The following SLC2A1 variants were observed in gnomAD, a reference collection of about 807,000 sequenced individuals.
The protein encoded by SLC2A1 is solute carrier family 2 member 1.
SLC2A1 carries 4 observed loss-of-function variants against 46.6 expected under a neutral mutation model. The ratio of observed to expected loss-of-function variants is 0.09; its 90% CI spans 0.04 to 0.20. SLC2A1 has a LOEUF of 0.20. Ranked by LOEUF, SLC2A1 falls within the 10% of genes least tolerant of loss-of-function variation. The pLI, the probability that SLC2A1 is intolerant of heterozygous loss-of-function variation, is 1.00. For synonymous variants in SLC2A1, 253 were observed against 270.0 expected, an observed-to-expected ratio of 0.94 and a Z score of 0.62; for missense variants, 352 against 667.0, an observed-to-expected ratio of 0.53 and a Z score of 5.20.
intron 1 of SLC2A1, among the ~76,000 whole-genome samples, chr1:42,956,407 CAAAAAAAAAAAAA>C (rs71577684): frequency 0.067 from 2,971 of 44,590 alleles, 59 homozygotes; most frequent in Non-Finnish European, 0.089. Flanking sequence ...ACTAAAACTA[CAAAAAAAAAAAAA>C]AAAAAAAAAA....
chr1:42,949,845 A>AC (rs1643701979), intron 1 of SLC2A1, among the ~76,000 whole-genome samples: 2 of 150,074 alleles, frequency 1.3e-5, no homozygotes, highest in Non-Finnish European at 3.0e-5. Context: ...GAAGTTTCCA[A>AC]TTGGGGGTCT....
At chr1:42,936,732 T>G (rs1643545953) in intron 2 of SLC2A1, among the ~76,000 whole-genome samples, 1 of 152,110 alleles carries the variant, frequency 6.6e-6, no homozygotes, top group Non-Finnish European at 1.5e-5. Flanking sequence ...GCTCTTGCAA[T>G]AAAGTGTCTC....
At chr1:42,947,789 T>C (rs1168569242) in intron 1 of SLC2A1, among the ~76,000 whole-genome samples, 1 of 152,144 alleles carries the variant, frequency 6.6e-6, no homozygotes, top group East Asian at 1.9e-4. Flanking sequence ...CACATGCTAA[T>C]TGCCAAACAA....
intron 2 of SLC2A1, among the ~76,000 whole-genome samples, chr1:42,934,120 T>C (rs1643519147): frequency 6.6e-6 from 1 of 152,206 alleles, no homozygotes. Context: ...CTTGAAGATC[T>C]CTTGAGATGT....
Position 42,929,964 on chromosome 1 carries a change from C to G in SLC2A1, c.588G>C (p.Pro196=), listed in dbSNP as rs2229682. ...WPLLLSIIFI[P]ALLQCIVLPF... The stretch of plus-strand genomic sequence containing the variant: ...GCAGCACGATGCACTGCAGCAGGGC[C>G]GGGATGAAGATGATGCTCAGCAGCA... The change falls in exon 5 of 10, where the codon CCG becomes CCC. Residue 196 remains proline (P), a synonymous_variant. Coordinates refer to ENST00000426263, the MANE Select transcript of SLC2A1 (RefSeq NM_006516.4). This position sits in a 1 kb window ranked among gnomAD's most constrained non-coding sequence, Gnocchi z 6.0. 5 of 1,613,878 alleles carry G rather than the reference C, an allele frequency of 3.1e-6. 1 individual carries two copies. The highest frequency in any genetic ancestry group is 4.2e-6 in the Non-Finnish European group (5 of 1,179,990).
chr1:42,955,435 C>G (rs1022536507), intron 1 of SLC2A1, among the ~76,000 whole-genome samples: 1 of 152,142 alleles, frequency 6.6e-6, no homozygotes, highest in Non-Finnish European at 1.5e-5. Context: ...ATGGCGAAAC[C>G]CTGTCTCTAC....
At chr1:42,953,453 A>C (rs1570607706) in intron 1 of SLC2A1, among the ~76,000 whole-genome samples, 1 of 152,250 alleles carries the variant, frequency 6.6e-6, no homozygotes, top group Non-Finnish European at 1.5e-5. Context: ...AGGCCTGGAC[A>C]CAGCCTCTCT....
Position 42,929,928 on chromosome 1 carries a change from G to C in SLC2A1, c.624C>G (p.Pro208=), listed in dbSNP as rs778522408. Reference sequence around the variant, plus strand: ...TGATGAGCAGGAAGCGGGGACTCTCGGGGCAGAAGGGCAGCACGATGCACT... The same window carrying C: ...TGATGAGCAGGAAGCGGGGACTCTCCGGGCAGAAGGGCAGCACGATGCACT... ...LLQCIVLPFC[P]ESPRFLLINR... The change falls in exon 5 of 10, where the codon CCC becomes CCG. Residue 208 remains proline (P), a synonymous_variant. Coordinates refer to ENST00000426263, the MANE Select transcript of SLC2A1 (RefSeq NM_006516.4). This position sits in a 1 kb window ranked among gnomAD's most constrained non-coding sequence, Gnocchi z 6.0. The C allele has an allele frequency of 1.1e-5, 17 of 1,614,014 alleles. No homozygotes were observed. In the Admixed American group the frequency reaches 2.2e-4, roughly 21 times the overall value.
At chr1:42,945,279 A>G (rs1269948866) in intron 1 of SLC2A1, among the ~76,000 whole-genome samples, 1 of 152,086 alleles carries the variant, frequency 6.6e-6, no homozygotes, top group Non-Finnish European at 1.5e-5. Context: ...TAGTGATATA[A>G]TGGAATACAT....
chr1:42,927,844 T>A lies in SLC2A1; in HGVS notation c.1075-36A>T. 1.4e-6 allele frequency: 2 copies of A among 1,478,334 alleles called. No homozygotes were observed. The highest frequency in any genetic ancestry group is 1.9e-6 in the Non-Finnish European group (2 of 1,069,892). The allele number at this position is 1,478,334 out of a possible 1,614,324, so 91.6% of individuals were successfully genotyped here. A position where few individuals can be genotyped will look rare whatever the true frequency, so the allele number is the denominator to read the frequency against. On this transcript the variant is annotated intron_variant, in intron 8 of 9. Coordinates refer to ENST00000426263, the MANE Select transcript of SLC2A1 (RefSeq NM_006516.4). The surrounding 1 kb of genome is among the most constrained non-coding windows in gnomAD (Gnocchi z 5.3). ...TGACGGAGAGGGGGAAAAGTTAGAC[T>A]GGGTTGTGATGGATCCTCAGGGGAA...
At position 42,954,314 on chromosome 1, in the gene SLC2A1, T is replaced by A. The variant is rs1345395082; in HGVS notation, c.18+4320A>T. Among the ~76,000 whole-genome samples, 1 of 151,548 alleles carries A rather than the reference T, an allele frequency of 6.6e-6. No homozygotes were observed. Among genetic ancestry groups the A allele is most frequent in the Non-Finnish European group, 1.5e-5 (1 of 67,886 alleles). Reference sequence around the variant, plus strand: ...TGGGCGGATCACCTGAGGTCTGGAGTTCGAGACCAGCTTGACCAACATGAA... The same window carrying A: ...TGGGCGGATCACCTGAGGTCTGGAGATCGAGACCAGCTTGACCAACATGAA... On this transcript the variant is annotated intron_variant, in intron 1 of 9. Transcript: ENST00000426263. This position sits in a 1 kb window ranked among gnomAD's most constrained non-coding sequence, Gnocchi z 4.2.
intron 2 of SLC2A1, among the ~76,000 whole-genome samples, chr1:42,932,869 A>G (rs990110830): frequency 1.3e-5 from 2 of 152,134 alleles, no homozygotes; most frequent in Non-Finnish European, 2.9e-5. Flanking sequence ...CAGGCATCTG[A>G]TGGAGGCCAG....
rs548561714 is a variant in SLC2A1, at chr1:42,938,328, G to GT, written c.114+4897_114+4898insA. The stretch of plus-strand genomic sequence containing the variant: ...GTGTGCAGAGCTGGGGAGGCACAAG[G>GT]CCTGGAGCCCACCTCTAGCTCAGCC... On this transcript the variant is annotated intron_variant, in intron 2 of 9. Transcript: ENST00000426263. Among the ~76,000 whole-genome samples the GT allele has an allele frequency of 4.6e-4, 70 of 152,298 alleles. No homozygotes were observed. In the South Asian group the frequency reaches 0.015, roughly 32 times the overall value.
intron 1 of SLC2A1, among the ~76,000 whole-genome samples, chr1:42,953,178 C>A (rs1390269325): frequency 6.6e-6 from 1 of 152,250 alleles, no homozygotes; most frequent in Non-Finnish European, 1.5e-5. Context: ...TCAGCTGAGG[C>A]CTGGCAAGAG....
intron 2 of SLC2A1, among the ~76,000 whole-genome samples, chr1:42,938,368 T>TA (rs1643564529): frequency 6.6e-6 from 1 of 152,212 alleles, no homozygotes; most frequent in African/African-American, 2.4e-5. Context: ...ACTCTCCAGA[T>TA]ACCTCATCTG....
rs925632292 is a variant in SLC2A1, at chr1:42,929,502, A to G, written c.867+91T>C. ...AGGGAAACTTCTTCGGCAGAGGCGT[A>G]TCTGTTGTTTCAAGTTTGGGACTTG... On this transcript the variant is annotated intron_variant, in intron 6 of 9. Transcript: ENST00000426263. This position sits in a 1 kb window ranked among gnomAD's most constrained non-coding sequence, Gnocchi z 6.0. 3.0e-6 allele frequency: 4 copies of G among 1,332,892 alleles called. No individual in the cohort carries two copies. The African/African-American group carries it at 4.3e-5, about 14-fold the overall frequency. The allele number at this position is 1,332,892 out of a possible 1,614,324, so 82.6% of individuals were successfully genotyped here.
At chr1:42,955,713 G>C (rs1386511715) in intron 1 of SLC2A1, among the ~76,000 whole-genome samples, 1 of 152,228 alleles carries the variant, frequency 6.6e-6, no homozygotes, top group Non-Finnish European at 1.5e-5. Flanking sequence ...AAAGTGATGA[G>C]TGATGGGCAT....
intron 1 of SLC2A1, among the ~76,000 whole-genome samples, chr1:42,953,965 C>T (rs1185044323): frequency 1.3e-5 from 2 of 152,212 alleles, no homozygotes; most frequent in Non-Finnish European, 2.9e-5. Context: ...TCACCACATC[C>T]ACTGGGGGTA....
chr1:42,926,583 T>G lies in SLC2A1; in HGVS notation c.*458A>C. The G allele has an allele frequency of 4.6e-6, 3 of 652,318 alleles. No individual in the cohort carries two copies. Among genetic ancestry groups the G allele is most frequent in the Middle Eastern group, 3.4e-4 (1 of 2,908 alleles). 40.4% of individuals were successfully genotyped at this position (652,318 alleles called of 1,614,324 possible). A position where few individuals can be genotyped will look rare whatever the true frequency, so the allele number is the denominator to read the frequency against. On this transcript the variant is annotated 3_prime_UTR_variant, in exon 10 of 10. Transcript: ENST00000426263. ...GGGAGATCCAGGCCAGCAGAACGGG[T>G]GGCCATAGCCACCTCCTGGGATAGA...
Sources: allele counts gnomAD v4.1 joint callset (sites outside exome capture counted in the v4.1 genomes callset), GRCh38; gene constraint gnomAD v4.1.1; non-coding constraint Gnocchi (gnomAD v3.1); transcripts MANE v1.5; gene names NCBI Gene and HGNC (gene_info 2026-07-23, HGNC 2026-07-21).